Variants in FAM81A observed in about 807,000 individuals in gnomAD.
The protein encoded by FAM81A is family with sequence similarity 81 member A.
In FAM81A, 19 loss-of-function variants were observed where a neutral mutation model predicts 46.7. The observed-to-expected ratio is 0.41, with a 90% CI of 0.28 to 0.60. The LOEUF is 0.60. Among genes scored for constraint, FAM81A ranks in the 20% least tolerant of loss-of-function variants. FAM81A has a pLI of 0.34. For missense variants in FAM81A, 377 were observed against 453.5 expected, an observed-to-expected ratio of 0.83 and a Z score of 1.53; for synonymous variants, 183 against 152.9, an observed-to-expected ratio of 1.20 and a Z score of -1.45.
chr15:59,512,887 C>G (rs1304805139), intron 6 of FAM81A, among the ~76,000 whole-genome samples: 1 of 152,178 alleles, frequency 6.6e-6, no homozygotes, highest in Admixed American at 6.5e-5. Flanking sequence ...GACTTTGATG[C>G]ATCATGAGGC....
At chr15:59,413,483 C>T (rs535989849) in intron 2 of FAM81A, among the ~76,000 whole-genome samples, 20 of 152,016 alleles carry the variant, frequency 1.3e-4, no homozygotes, top group Admixed American at 1.3e-3. Context: ...CTATATCACA[C>T]CCTGTGAACT....
chr15:59,484,343 A>G (rs936543988), intron 3 of FAM81A, among the ~76,000 whole-genome samples: 1 of 152,228 alleles, frequency 6.6e-6, no homozygotes, highest in Admixed American at 6.5e-5. Context: ...TCCTCCCCAC[A>G]TGAACACCAA....
intron 2 of FAM81A, among the ~76,000 whole-genome samples, chr15:59,421,247 A>T (rs2081169632): frequency 6.6e-6 from 1 of 152,146 alleles, no homozygotes; most frequent in African/African-American, 2.4e-5. Flanking sequence ...TTCTAGGTAG[A>T]ATTGGAGCTC....
At chr15:59,423,128 C>G (rs371870957) in intron 2 of FAM81A, among the ~76,000 whole-genome samples, 4 of 152,212 alleles carry the variant, frequency 2.6e-5, no homozygotes, top group African/African-American at 9.6e-5. Flanking sequence ...GACGGAGTCT[C>G]GCACTGTCGC....
rs913672449 is a variant in FAM81A at position 59,467,754 on chromosome 15, G to A, written c.294+7548G>A. ...GAACTTCCAACACCATGTTGAACAG[G>A]AATGGTGAGAGAGAGCATCCTTGTT... On this transcript the variant is annotated intron_variant, in intron 3 of 8. Transcript: ENST00000288228. Among the ~76,000 whole-genome samples, 5 of 152,200 alleles carry A rather than the reference G, an allele frequency of 3.3e-5. 1 individual carries two copies. The highest frequency in any genetic ancestry group is 1.5e-5 in the Non-Finnish European group (1 of 68,044).
intron 2 of FAM81A, among the ~76,000 whole-genome samples, chr15:59,427,227 C>T (rs985469792): frequency 6.6e-6 from 1 of 152,198 alleles, no homozygotes; most frequent in African/African-American, 2.4e-5. Flanking sequence ...TCTCCTGCTT[C>T]AGCCTCCTGA....
chr15:59,517,624 G>A (rs1280567277), intron 8 of FAM81A, among the ~76,000 whole-genome samples: 1 of 152,092 alleles, frequency 6.6e-6, no homozygotes, highest in African/African-American at 2.4e-5. Flanking sequence ...CTATGAAATT[G>A]TTCTGTTTTG....
chr15:59,468,316 C>T (rs942690660), intron 3 of FAM81A, among the ~76,000 whole-genome samples: 5 of 152,176 alleles, frequency 3.3e-5, no homozygotes, highest in South Asian at 4.2e-4. Context: ...TGGTAGAATT[C>T]GGCTGTGAAT....
At chr15:59,438,907 A>G (rs1234788825) in intron 1 of FAM81A, 1 of 152,204 alleles carries the variant, frequency 6.6e-6, no homozygotes, top group African/African-American at 2.4e-5. Flanking sequence ...ATGGCTTCTT[A>G]AGATGCACAG....
rs141324853 is a variant in FAM81A at position 59,471,493 on chromosome 15, A to T, written c.294+11287A>T. On this transcript the variant is annotated intron_variant, in intron 3 of 8. Coordinates refer to ENST00000288228, the MANE Select transcript of FAM81A (RefSeq NM_152450.3). The stretch of plus-strand genomic sequence containing the variant: ...GTTCTTTTTTTTCTGGAGAGACAAA[A>T]CCTCTGTTACCCAGGCTGGAGTGCA... 1.5e-4 allele frequency among the ~76,000 whole-genome samples: 22 copies of T among 148,642 alleles called. No homozygotes were observed. The East Asian group carries it at 4.2e-3, about 28-fold the overall frequency.
chr15:59,472,088 A>G (rs935333160), intron 3 of FAM81A, among the ~76,000 whole-genome samples: 1 of 152,162 alleles, frequency 6.6e-6, no homozygotes, highest in Non-Finnish European at 1.5e-5. Flanking sequence ...GATGGCTAAT[A>G]ATCAGGTTGC....
At chr15:59,515,557 C>T (rs1384298705) in intron 7 of FAM81A, among the ~76,000 whole-genome samples, 1 of 152,130 alleles carries the variant, frequency 6.6e-6, no homozygotes, top group Non-Finnish European at 1.5e-5. Flanking sequence ...GGCCTCCAAG[C>T]TCACTGGCAG....
At chr15:59,422,220 C>T (rs1352823711) in intron 2 of FAM81A, among the ~76,000 whole-genome samples, 2 of 151,882 alleles carry the variant, frequency 1.3e-5, no homozygotes, top group Non-Finnish European at 2.9e-5. Context: ...GACCCTGTCT[C>T]TACACAAAAT....
chr15:59,489,545 A>G (rs1392023743), intron 3 of FAM81A, among the ~76,000 whole-genome samples: 1 of 152,094 alleles, frequency 6.6e-6, no homozygotes, highest in African/African-American at 2.4e-5. Flanking sequence ...TCACAGAAAT[A>G]GAAAAAAAAA....
chr15:59,413,918 T>C (rs1194325361), intron 2 of FAM81A, among the ~76,000 whole-genome samples: 5 of 152,142 alleles, frequency 3.3e-5, no homozygotes. Context: ...CTCTGGCAGG[T>C]AGAATGGTAG....
intron 1 of FAM81A, among the ~76,000 whole-genome samples, chr15:59,442,481 G>C (rs1262931590): frequency 6.6e-6 from 1 of 151,842 alleles, no homozygotes; most frequent in Non-Finnish European, 1.5e-5. Context: ...GCTGGGCATG[G>C]TGGTGAGCGC....
At chr15:59,409,282 G>T (rs12593895) in intron 2 of FAM81A, among the ~76,000 whole-genome samples, 44,124 of 151,948 alleles carry the variant, frequency 0.29, 6,688 homozygotes, top group East Asian at 0.53. Context: ...CATTATGCCC[G>T]AAGATGCCTT....
chr15:59,403,063 A>ATTTAGTTCG (rs1278712063), intron 2 of FAM81A, among the ~76,000 whole-genome samples: 1 of 152,026 alleles, frequency 6.6e-6, no homozygotes, highest in Non-Finnish European at 1.5e-5. Context: ...CATTTAGTTC[A>ATTTAGTTCG]TGGGTCTATA....
chr15:59,500,228 T>A (rs996226364), intron 4 of FAM81A, among the ~76,000 whole-genome samples: 1 of 152,210 alleles, frequency 6.6e-6, no homozygotes, highest in Admixed American at 6.5e-5. Flanking sequence ...TATCAATTAA[T>A]GTTTTTCATA....
Sources: gnomAD v4.1 joint callset for allele counts (sites outside exome capture counted in the v4.1 genomes callset) on GRCh38, gnomAD v4.1.1 for gene constraint, MANE v1.5 for transcripts, NCBI Gene and HGNC (gene_info 2026-07-23, HGNC 2026-07-21) for gene names.